The following ARHGAP10 variants were observed in gnomAD, a reference collection of about 807,000 sequenced individuals.
The protein encoded by ARHGAP10 is rho GTPase-activating protein 10.
Under a neutral mutation model 108.6 loss-of-function variants are expected in ARHGAP10, and 87 were observed. The ratio of observed to expected loss-of-function variants is 0.80; its 90% CI spans 0.67 to 0.96. ARHGAP10 has a LOEUF of 0.96. Among genes scored for constraint, ARHGAP10 ranks in the 40% least tolerant of loss-of-function variants. The pLI is 0.00. For synonymous variants in ARHGAP10, 347 were observed against 341.1 expected, an observed-to-expected ratio of 1.02 and a Z score of -0.19; for missense variants, 939 against 954.5, an observed-to-expected ratio of 0.98 and a Z score of 0.21.
intron 4 of ARHGAP10, among the ~76,000 whole-genome samples, chr4:147,851,333 G>A (rs1229593466): frequency 6.6e-6 from 1 of 151,600 alleles, no homozygotes; most frequent in Non-Finnish European, 1.5e-5. Context: ...TGGGTCAGAT[G>A]ATCTGAGCAG....
intron 1 of ARHGAP10, among the ~76,000 whole-genome samples, chr4:147,784,402 A>G (rs1284201847): frequency 7.6e-6 from 1 of 131,508 alleles, no homozygotes; most frequent in Admixed American, 8.4e-5. Context: ...TAAATTATAT[A>G]ATATAAAGTT....
At chr4:147,964,894 C>T (rs1048356463) in intron 16 of ARHGAP10, 130 bp from the exon 17 acceptor site, 6 of 585,540 alleles carry the variant, frequency 1.0e-5, no homozygotes, top group African/African-American at 2.0e-5. Context: ...TTACATTCTC[C>T]ATGTTTGATA....
At chr4:147,821,759 A>G (rs1732504422) in intron 1 of ARHGAP10, among the ~76,000 whole-genome samples, 1 of 152,248 alleles carries the variant, frequency 6.6e-6, no homozygotes, top group Non-Finnish European at 1.5e-5. Flanking sequence ...TAATGTGTGA[A>G]GGAGACACAC....
chr4:148,016,468 G>A (rs937601071), intron 18 of ARHGAP10, among the ~76,000 whole-genome samples: 13 of 152,134 alleles, frequency 8.5e-5, no homozygotes, highest in East Asian at 3.9e-4. Context: ...GTGCCACTGC[G>A]CTCTATCTTG....
At chr4:147,904,108 C>T (rs1736359212) in intron 10 of ARHGAP10, among the ~76,000 whole-genome samples, 1 of 152,198 alleles carries the variant, frequency 6.6e-6, no homozygotes, top group Non-Finnish European at 1.5e-5. Flanking sequence ...TCCACATCCT[C>T]TTCAACATTT....
chr4:147,757,594 TCTG>T (rs1330510343), intron 1 of ARHGAP10, among the ~76,000 whole-genome samples: 1 of 152,204 alleles, frequency 6.6e-6, no homozygotes, highest in Non-Finnish European at 1.5e-5. Flanking sequence ...CAGCTTTCCA[TCTG>T]CTGTAGCATT....
At chr4:147,782,890 A>G (rs1301659444) in intron 1 of ARHGAP10, among the ~76,000 whole-genome samples, 4 of 144,094 alleles carry the variant, frequency 2.8e-5, no homozygotes, top group Non-Finnish European at 6.0e-5. Context: ...TATATATAAC[A>G]TATATTACGT....
intron 18 of ARHGAP10, among the ~76,000 whole-genome samples, chr4:148,020,687 T>C (rs1222191302): frequency 6.6e-6 from 1 of 152,100 alleles, no homozygotes; most frequent in African/African-American, 2.4e-5. Context: ...CTTTATCCAG[T>C]CTATTATTGG....
chr4:147,779,815 C>G (rs1730456708), intron 1 of ARHGAP10, among the ~76,000 whole-genome samples: 1 of 152,148 alleles, frequency 6.6e-6, no homozygotes, highest in Non-Finnish European at 1.5e-5. Flanking sequence ...TTTCATGATT[C>G]TAAATATGTA....
intron 1 of ARHGAP10, among the ~76,000 whole-genome samples, chr4:147,755,057 G>A (rs905715830): frequency 2.6e-5 from 4 of 151,416 alleles, no homozygotes; most frequent in African/African-American, 7.3e-5. Context: ...ACTACAGTCT[G>A]GGCGACAAGA....
At chr4:147,873,681 A>AACACACACACACACACAT (rs1553958994) in intron 7 of ARHGAP10, among the ~76,000 whole-genome samples, 1 of 98,720 alleles carries the variant, frequency 1.0e-5, no homozygotes, top group Non-Finnish European at 2.0e-5. Context: ...CAAAAAACAA[A>AACACACACACACACACAT]ACACACACAC....
At chr4:147,984,416 C>G (rs1407873590) in intron 18 of ARHGAP10, among the ~76,000 whole-genome samples, 1 of 152,236 alleles carries the variant, frequency 6.6e-6, no homozygotes, top group Non-Finnish European at 1.5e-5. Flanking sequence ...TCTCCATGTT[C>G]GTTCCAGGGC....
chr4:148,023,244 C>T lies in ARHGAP10; in HGVS notation c.1717-19C>T. 3 of 1,613,514 alleles carry T rather than the reference C, an allele frequency of 1.9e-6. No individual in the cohort carries two copies. The highest frequency in any genetic ancestry group is 2.2e-5 in the East Asian group (1 of 44,854). ...CTGTTCATGGTAAATAATTCCTGTCCTTTATGCTTTGTTGGAAGATTTTTC... is the reference window on the plus strand; with the variant it reads ...CTGTTCATGGTAAATAATTCCTGTCTTTTATGCTTTGTTGGAAGATTTTTC... On this transcript the variant is annotated intron_variant, in intron 18 of 22. Transcript: ENST00000336498.
At chr4:147,752,180 G>A (rs1560739101) in intron 1 of ARHGAP10, among the ~76,000 whole-genome samples, 1 of 152,138 alleles carries the variant, frequency 6.6e-6, no homozygotes, top group Non-Finnish European at 1.5e-5. Context: ...ACAACGCCTG[G>A]CCAAGCCTTT....
At chr4:147,749,506 T>C (rs1269555536) in intron 1 of ARHGAP10, among the ~76,000 whole-genome samples, 2 of 152,212 alleles carry the variant, frequency 1.3e-5, no homozygotes, top group East Asian at 3.8e-4. Flanking sequence ...TTACATTCTT[T>C]TTACCTTTAA....
intron 13 of ARHGAP10, among the ~76,000 whole-genome samples, chr4:147,920,326 A>C (rs958283240): frequency 6.6e-6 from 1 of 151,700 alleles, no homozygotes; most frequent in Non-Finnish European, 1.5e-5. Context: ...CTGAGGCAGG[A>C]GAATGGTGTG....
chr4:147,948,981 A>G (rs1738493423), intron 15 of ARHGAP10, among the ~76,000 whole-genome samples: 1 of 151,664 alleles, frequency 6.6e-6, no homozygotes, highest in Non-Finnish European at 1.5e-5. Flanking sequence ...AAAAAAAACA[A>G]AAAAACCCCC....
At chr4:147,896,428 G>A (rs1274617140) in intron 10 of ARHGAP10, among the ~76,000 whole-genome samples, 1 of 152,092 alleles carries the variant, frequency 6.6e-6, no homozygotes, top group African/African-American at 2.4e-5. Context: ...TTGATAAATT[G>A]TGGTTTTCAA....
intron 3 of ARHGAP10, among the ~76,000 whole-genome samples, chr4:147,838,515 T>G (rs1733265222): frequency 7.1e-6 from 1 of 140,716 alleles, no homozygotes; most frequent in South Asian, 2.5e-4. Flanking sequence ...GACTTAACTC[T>G]GGGATATGTT....
Sources: allele counts gnomAD v4.1 joint callset (sites outside exome capture counted in the v4.1 genomes callset), GRCh38; gene constraint gnomAD v4.1.1; transcripts MANE v1.5; gene names NCBI Gene and HGNC (gene_info 2026-07-23, HGNC 2026-07-21).